Variants in XAF1 observed in about 807,000 individuals in gnomAD.
XAF1 encodes the protein XIAP associated factor 1, also known as XIAP-associated factor 1.
Under a neutral mutation model 32.3 loss-of-function variants are expected in XAF1, and 32 were observed. That is an observed-to-expected ratio of 0.99 (90% CI 0.75 to 1.33). The LOEUF (loss-of-function observed/expected upper bound fraction) is 1.33. Ranked by LOEUF, XAF1 falls within the 40% of genes most tolerant of loss-of-function variation. The pLI is 0.00. For missense variants in XAF1, 379 were observed against 366.0 expected (o/e 1.04, Z -0.29); for synonymous variants, 120 against 125.9 (o/e 0.95, Z 0.31).
chr17:6,760,632 C>T (rs774818385), intron 4 of XAF1, 31 bp downstream of exon 4: 50 of 1,586,546 alleles, frequency 3.2e-5, no homozygotes, highest in Non-Finnish European at 3.8e-5. Flanking sequence ...GGAAGAGAGA[C>T]GTTCCAAGGG....
intron 5 of XAF1, among the ~76,000 whole-genome samples, chr17:6,770,247 G>T (rs1975917000): frequency 6.6e-6 from 1 of 152,214 alleles, no homozygotes; most frequent in South Asian, 2.1e-4. Context: ...CCTTCTTGCT[G>T]CCTCCTAGCA....
At position 6,759,668 on chromosome 17, in the gene XAF1, T is replaced by C. The variant is rs939422173; in HGVS notation, c.175T>C (p.Cys59Arg). 1.9e-6 allele frequency: 3 copies of C among 1,613,106 alleles called. No homozygotes were observed. The highest frequency in any genetic ancestry group is 1.7e-5 in the Admixed American group (1 of 59,976). Residue 59 changes from cysteine to arginine, a missense_variant, in exon 3 of 7, where the codon TGT becomes CGT. Transcript: ENST00000361842. ...TGTGTGTGTGTGTGTTTAGGTTGGG[T>C]GTACGATGTGTCAGCAGAGCATGCA... is the stretch of plus-strand genomic sequence containing the variant. ...HCKLEHQQVGCTMCQQSMQKS... is the reference protein window; with the variant it reads ...HCKLEHQQVGRTMCQQSMQKS...
rs1567662015 is a variant in XAF1 at position 6,770,706 on chromosome 17, C to T, written c.571C>T (p.Pro191Ser). The part of the protein sequence containing the change: ...HFPVGNPEIL[P>S]SSLPSQAAEN... ...TCCTGTTGGAAATCCAGAAATTCTT[C>T]CTTCATCTCTTCCAAGTCAAGCTGC... Residue 191 changes from proline to serine, a missense_variant, in exon 6 of 7, where the codon CCT becomes TCT. By Grantham distance (74) the Pro-to-Ser change is moderately conservative (BLOSUM62 -1). Coordinates refer to ENST00000361842, the MANE Select transcript of XAF1 (RefSeq NM_017523.5). 5 of 1,612,140 alleles carry T rather than the reference C, an allele frequency of 3.1e-6. No individual in the cohort carries two copies. Among genetic ancestry groups the T allele is most frequent in the Non-Finnish European group, 4.2e-6 (5 of 1,179,564 alleles).
At chr17:6,764,518 A>C (rs920557290) in intron 5 of XAF1, among the ~76,000 whole-genome samples, 14 of 152,176 alleles carry the variant, frequency 9.2e-5, no homozygotes, top group African/African-American at 3.4e-4. Context: ...TAACTTTTTA[A>C]AGGGGTACCA....
chr17:6,758,418 T>G (rs1974882317), intron 2 of XAF1, 194 bp downstream of exon 2: 1 of 795,300 alleles, frequency 1.3e-6, no homozygotes, highest in South Asian at 1.7e-5. Context: ...AGGCGAGTGT[T>G]CAGTCCTCTC....
chr17:6,756,380 C>A (rs1974657197), intron 1 of XAF1: 1 of 1,000,408 alleles, frequency 1.0e-6, no homozygotes, highest in Non-Finnish European at 1.4e-6. Context: ...ATAGCCCGGC[C>A]AGTGGTCCCA....
At position 6,770,652 on chromosome 17, in the gene XAF1, T is replaced by C. The variant is rs764882986; in HGVS notation, c.517T>C (p.Cys173Arg). Residue 173 changes from cysteine (C) to arginine (R), a missense_variant, in exon 6 of 7, where the codon TGT becomes CGT. Cys to Arg is a radical substitution (Grantham distance 180). Transcript: ENST00000361842. ...TTATTCACAATTGCAGGGTAAATGT[T>C]GTCCAGACTCAGAGTTTAAGAAACA... is the stretch of plus-strand genomic sequence containing the variant. ...NKYFHHMGKC[C>R]PDSEFKKHFP... 7.6e-6 allele frequency: 12 copies of C among 1,587,452 alleles called. No homozygotes were observed. In the Admixed American group the frequency reaches 1.5e-4, roughly 20 times the overall value.
chr17:6,755,524 C>T, upstream of XAF1: 1 of 991,700 alleles, frequency 1.0e-6, no homozygotes, highest in Non-Finnish European at 1.2e-6. Context: ...CAGGAGGATA[C>T]ACACCAGATT....
intron 3 of XAF1, among the ~76,000 whole-genome samples, chr17:6,760,059 C>T (rs532693558): frequency 2.0e-5 from 3 of 152,292 alleles, no homozygotes; most frequent in South Asian, 2.1e-4. Context: ...GTCAAAGAGG[C>T]CAGTGATCGG....
At chr17:6,756,368 A>G (rs1370310312) in intron 1 of XAF1, 2 of 1,147,096 alleles carry the variant, frequency 1.7e-6, no homozygotes, top group Non-Finnish European at 2.3e-6. Flanking sequence ...TTCTGAAGCC[A>G]AATAGCCCGG....
chr17:6,764,611 A>G (rs1054124865), intron 5 of XAF1, among the ~76,000 whole-genome samples: 15 of 152,178 alleles, frequency 9.9e-5, no homozygotes, highest in African/African-American at 3.6e-4. Flanking sequence ...AATCATGTAT[A>G]CTAGGTGGTT....
chr17:6,759,420 G>A (rs1474322358), intron 2 of XAF1: 1 of 1,401,500 alleles, frequency 7.1e-7, no homozygotes. Flanking sequence ...CCCCTGATCT[G>A]TCTCTCTGGA....
At chr17:6,762,077 A>G in intron 4 of XAF1, 78 bp from the exon 5 acceptor site, 1 of 1,606,126 alleles carries the variant, frequency 6.2e-7, no homozygotes, top group South Asian at 1.1e-5. Flanking sequence ...AGCACAGGCC[A>G]TGTATGCAGT....
At chr17:6,760,209 G>A (rs1039328037) in intron 3 of XAF1, among the ~76,000 whole-genome samples, 197 bp from the exon 4 acceptor site, 16 of 152,280 alleles carry the variant, frequency 1.1e-4, no homozygotes, top group Admixed American at 2.6e-4. Context: ...TTAGCTGGGC[G>A]TGGTGGCACA....
chr17:6,769,679 A>T (rs879498274), intron 5 of XAF1, among the ~76,000 whole-genome samples: 1 of 152,026 alleles, frequency 6.6e-6, no homozygotes, highest in Non-Finnish European at 1.5e-5. Flanking sequence ...ATCCTCTATG[A>T]CCTATTTTGA....
At chr17:6,759,902 C>T in intron 3 of XAF1, 184 bp downstream of exon 3, 1 of 1,027,376 alleles carries the variant, frequency 9.7e-7, no homozygotes. Context: ...CCCCCAGATA[C>T]TGATCAGAAG....
chr17:6,761,935 C>A, intron 4 of XAF1: 1 of 1,516,440 alleles, frequency 6.6e-7, no homozygotes, highest in Non-Finnish European at 8.8e-7. Flanking sequence ...TTGCTGCTGC[C>A]CTGAGTGCAC....
At chr17:6,761,780 C>T (rs952002692) in intron 4 of XAF1, 1 of 1,226,384 alleles carries the variant, frequency 8.2e-7, no homozygotes, top group Non-Finnish European at 1.1e-6. Context: ...ATGTGTTCAA[C>T]CAACACCTGG....
At chr17:6,759,913 G>A (rs1262232335) in intron 3 of XAF1, 195 bp downstream of exon 3, 8 of 907,546 alleles carry the variant, frequency 8.8e-6, no homozygotes, top group Admixed American at 2.6e-5. Flanking sequence ...TGATCAGAAG[G>A]GTTTTCCATG....
Sources: gnomAD v4.1 joint callset for allele counts (sites outside exome capture counted in the v4.1 genomes callset) on GRCh38, gnomAD v4.1.1 for gene constraint, MANE v1.5 for transcripts, NCBI Gene and HGNC (gene_info 2026-07-23, HGNC 2026-07-21) for gene names.